Variants in NRXN3 observed in about 807,000 individuals in gnomAD.
The protein encoded by NRXN3 is neurexin III.
NRXN3 carries 32 observed loss-of-function variants against 137.6 expected under a neutral mutation model. The ratio of observed to expected loss-of-function variants is 0.23; its 90% CI spans 0.18 to 0.31. The LOEUF (loss-of-function observed/expected upper bound fraction) is 0.31, where lower values mean the gene tolerates loss of function less well. Ranked by LOEUF, NRXN3 falls within the 10% of genes least tolerant of loss-of-function variation. NRXN3 has a pLI of 1.00. For missense variants in NRXN3, 1,574 were observed against 2,062.5 expected (o/e 0.76, Z 4.59); for synonymous variants, 798 against 784.5 (o/e 1.02, Z -0.29).
chr14:78,437,456 C>G (rs1056408666), intron 4 of NRXN3, among the ~76,000 whole-genome samples: 11 of 151,704 alleles, frequency 7.3e-5, no homozygotes, highest in Admixed American at 3.3e-4. Context: ...TCAAGTGATT[C>G]CCTTGTCTCA....
intron 4 of NRXN3, among the ~76,000 whole-genome samples, chr14:78,348,012 A>G (rs2082973599): frequency 6.6e-6 from 1 of 152,162 alleles, no homozygotes; most frequent in South Asian, 2.1e-4. Context: ...TGGAGTAGGT[A>G]TTCCCATTTT....
chr14:79,159,744 GA>G (rs2060584405), intron 15 of NRXN3, among the ~76,000 whole-genome samples: 1 of 151,740 alleles, frequency 6.6e-6, no homozygotes, highest in African/African-American at 2.4e-5. Flanking sequence ...AATTTTAGCA[GA>G]ATTTGTATTG....
chr14:79,842,415 G>A (rs1377983456), intron 20 of NRXN3, among the ~76,000 whole-genome samples: 3 of 152,148 alleles, frequency 2.0e-5, no homozygotes. Context: ...GATGTTCCTG[G>A]AAGGGAAGCC....
intron 4 of NRXN3, among the ~76,000 whole-genome samples, chr14:78,417,948 T>G (rs7147315): frequency 1 from 151,821 of 152,266 alleles, 75,689 homozygotes; most frequent in Middle Eastern, 1. Flanking sequence ...GTAGAGACAG[T>G]GTTTTGCCAC....
At chr14:79,140,653 C>A (rs1469665269) in intron 15 of NRXN3, among the ~76,000 whole-genome samples, 1 of 146,484 alleles carries the variant, frequency 6.8e-6, no homozygotes, top group African/African-American at 2.5e-5. Flanking sequence ...CCAAAAAATC[C>A]ATGTAAGCTC....
chr14:79,461,894 G>A (rs1008208365), intron 15 of NRXN3, among the ~76,000 whole-genome samples: 6 of 152,188 alleles, frequency 3.9e-5, no homozygotes, highest in African/African-American at 1.4e-4. Flanking sequence ...TTACCATTAT[G>A]AGATTTTATA....
intron 15 of NRXN3, among the ~76,000 whole-genome samples, chr14:79,451,230 T>G (rs767722833): frequency 3.9e-5 from 6 of 151,916 alleles, no homozygotes; most frequent in African/African-American, 1.2e-4. Flanking sequence ...CATAATTTAA[T>G]GATCTCTGCA....
chr14:79,191,791 C>T (rs976569597), intron 15 of NRXN3, among the ~76,000 whole-genome samples: 1 of 152,072 alleles, frequency 6.6e-6, no homozygotes, highest in Non-Finnish European at 1.5e-5. Flanking sequence ...CTGATTTGTT[C>T]ATATTTAAGA....
At chr14:79,608,323 A>C (rs2098049895) in intron 16 of NRXN3, among the ~76,000 whole-genome samples, 1 of 152,170 alleles carries the variant, frequency 6.6e-6, no homozygotes, top group African/African-American at 2.4e-5. Context: ...TATCTACCTA[A>C]TGCTGTGAAA....
chr14:78,270,771 G>A (rs2072593381), intron 2 of NRXN3, among the ~76,000 whole-genome samples: 1 of 152,198 alleles, frequency 6.6e-6, no homozygotes, highest in African/African-American at 2.4e-5. Flanking sequence ...ATAAATTAGG[G>A]ACAATCAGTT....
intron 4 of NRXN3, among the ~76,000 whole-genome samples, chr14:78,633,095 T>TAA (rs142980940): frequency 2.7e-5 from 4 of 147,710 alleles, no homozygotes; most frequent in Admixed American, 6.7e-5. Flanking sequence ...AATAAAAAAT[T>TAA]AAAAAAAAAA....
At chr14:79,363,689 G>C (rs1486356479) in intron 15 of NRXN3, among the ~76,000 whole-genome samples, 26 of 151,996 alleles carry the variant, frequency 1.7e-4, no homozygotes, top group Admixed American at 1.7e-3. Context: ...TTTCAAAGCA[G>C]TACTTGGTAT....
intron 4 of NRXN3, among the ~76,000 whole-genome samples, chr14:78,326,801 C>G (rs958838257): frequency 6.6e-6 from 1 of 152,102 alleles, no homozygotes; most frequent in African/African-American, 2.4e-5. Context: ...AAGATGATTA[C>G]TGCCCTTTCT....
chr14:79,361,839 A>G (rs1328915850), intron 15 of NRXN3, among the ~76,000 whole-genome samples: 1 of 152,170 alleles, frequency 6.6e-6, no homozygotes, highest in Non-Finnish European at 1.5e-5. Context: ...AGATATCAAG[A>G]ATACAGGAGA....
At chr14:79,706,410 GC>G (rs1370844120) in intron 19 of NRXN3, among the ~76,000 whole-genome samples, 3 of 146,968 alleles carry the variant, frequency 2.0e-5, no homozygotes, top group Non-Finnish European at 4.5e-5. Flanking sequence ...TTAACTTGAG[GC>G]TTTTTTACTT....
intron 4 of NRXN3, among the ~76,000 whole-genome samples, chr14:78,602,267 C>CTTTTTTTTT (rs370669288): frequency 0.017 from 1,906 of 115,024 alleles, 71 homozygotes; most frequent in African/African-American, 0.051. Flanking sequence ...TCACATTAGC[C>CTTTTTTTTT]TTTTTTTTTT....
chr14:79,867,221 T>C lies in NRXN3; in HGVS notation c.*5257T>C, dbSNP rs8022988. 115,484 of 152,024 alleles carry C rather than the reference T, an allele frequency of 0.76. 44,409 individuals are homozygous for C. The highest frequency in any genetic ancestry group is 0.83 in the Admixed American group (12,641 of 15,290). The allele number at this position is 152,024 out of a possible 1,614,324, so 9.4% of individuals were successfully genotyped here. A position where few individuals can be genotyped will look rare whatever the true frequency, so the allele number is the denominator to read the frequency against. Reference sequence around the variant, plus strand: ...ATAAACCTGTCTCTAGAGAAGCAAGTCATTTTCTACTTTTTCCAGAAGCAT... The same window carrying C: ...ATAAACCTGTCTCTAGAGAAGCAAGCCATTTTCTACTTTTTCCAGAAGCAT... On this transcript the variant is annotated 3_prime_UTR_variant, in exon 21 of 21. Coordinates refer to ENST00000335750, the MANE Select transcript of NRXN3 (RefSeq NM_001330195.2).
intron 10 of NRXN3, among the ~76,000 whole-genome samples, chr14:78,827,346 A>C (rs932134756): frequency 1.3e-5 from 2 of 152,132 alleles, no homozygotes; most frequent in African/African-American, 4.8e-5. Flanking sequence ...TGCTGTACAA[A>C]TAATTAATTT....
chr14:78,625,126 C>G (rs529274962), intron 4 of NRXN3, among the ~76,000 whole-genome samples: 1 of 152,324 alleles, frequency 6.6e-6, no homozygotes, highest in Non-Finnish European at 1.5e-5. Context: ...AGGCGTGAGC[C>G]ACCGCACCTG....
Sources: gnomAD v4.1 joint callset for allele counts (sites outside exome capture counted in the v4.1 genomes callset) on GRCh38, gnomAD v4.1.1 for gene constraint, MANE v1.5 for transcripts, NCBI Gene and HGNC (gene_info 2026-07-23, HGNC 2026-07-21) for gene names.